The following KHDRBS2 variants were observed in gnomAD, a reference collection of about 807,000 sequenced individuals.
KHDRBS2 encodes the protein KH domain-containing, RNA-binding, signal transduction-associated protein 2.
In KHDRBS2, 26 loss-of-function variants were observed where a neutral mutation model predicts 44.3. That is an observed-to-expected ratio of 0.59 (90% CI 0.43 to 0.81). KHDRBS2 has a LOEUF of 0.81. KHDRBS2 is among the 40% of genes least tolerant of loss of function. KHDRBS2 has a pLI of 0.00. For synonymous variants in KHDRBS2, 194 were observed against 151.1 expected, an observed-to-expected ratio of 1.28 and a Z score of -2.08; for missense variants, 476 against 433.1, an observed-to-expected ratio of 1.10 and a Z score of -0.88.
intron 6 of KHDRBS2, among the ~76,000 whole-genome samples, chr6:61,825,692 A>G (rs1790740798): frequency 6.6e-6 from 1 of 152,068 alleles, no homozygotes; most frequent in African/African-American, 2.4e-5. Context: ...GCACATTATA[A>G]TGGCTAGGAA....
intron 2 of KHDRBS2, among the ~76,000 whole-genome samples, chr6:62,118,762 G>A (rs1463183162): frequency 1.3e-5 from 2 of 152,152 alleles, no homozygotes; most frequent in Non-Finnish European, 2.9e-5. Flanking sequence ...GATGCTTCCT[G>A]TCACTAAAGG....
intron 4 of KHDRBS2, among the ~76,000 whole-genome samples, chr6:61,925,357 A>G (rs1452282532): frequency 6.6e-6 from 1 of 152,224 alleles, no homozygotes; most frequent in Non-Finnish European, 1.5e-5. Flanking sequence ...TTAAGGAATA[A>G]ATAACTAGTC....
intron 3 of KHDRBS2, among the ~76,000 whole-genome samples, chr6:62,036,232 C>T (rs1220184258): frequency 4.6e-5 from 7 of 151,848 alleles, no homozygotes; most frequent in South Asian, 4.2e-4. Context: ...GAAGAGAGGA[C>T]GGATAGCAAC....
chr6:61,932,716 C>A (rs1439913755), intron 4 of KHDRBS2, among the ~76,000 whole-genome samples: 1 of 152,118 alleles, frequency 6.6e-6, no homozygotes, highest in East Asian at 1.9e-4. Flanking sequence ...ATGGCGTGAA[C>A]CGGGAGGCGG....
At chr6:62,264,642 C>T (rs1388091999) in intron 1 of KHDRBS2, among the ~76,000 whole-genome samples, 1 of 151,700 alleles carries the variant, frequency 6.6e-6, no homozygotes, top group Admixed American at 6.6e-5. Context: ...ATTATTGTGA[C>T]ATGCAATAAT....
chr6:61,872,761 C>A (rs1798843175), intron 6 of KHDRBS2, among the ~76,000 whole-genome samples: 2 of 122,832 alleles, frequency 1.6e-5, no homozygotes, highest in Admixed American at 8.9e-5. Flanking sequence ...GAAAAATGAA[C>A]CAAGACATGT....
the KHDRBS2 span, among the ~76,000 whole-genome samples, chr6:61,593,016 G>C: frequency 7.2e-5 from 11 of 152,180 alleles, no homozygotes; most frequent in South Asian, 2.3e-3. Context: ...AATTTCTATA[G>C]AAATAGAAGA....
chr6:61,776,873 T>C (rs544762192), intron 6 of KHDRBS2, among the ~76,000 whole-genome samples: 1 of 151,972 alleles, frequency 6.6e-6, no homozygotes, highest in Non-Finnish European at 1.5e-5. Context: ...CAATAGGAAA[T>C]ACTTGGATCC....
chr6:61,724,494 C>A (rs1325843074), intron 7 of KHDRBS2, among the ~76,000 whole-genome samples: 1 of 151,998 alleles, frequency 6.6e-6, no homozygotes, highest in African/African-American at 2.4e-5. Flanking sequence ...GGACTCATTG[C>A]CCCAATTAAA....
chr6:62,143,366 G>A (rs1232617343), intron 2 of KHDRBS2, among the ~76,000 whole-genome samples: 1 of 151,840 alleles, frequency 6.6e-6, no homozygotes, highest in African/African-American at 2.4e-5. Context: ...TATTATAGTA[G>A]ATAAACTATT....
chr6:61,746,139 T>C (rs1422980440), intron 6 of KHDRBS2, among the ~76,000 whole-genome samples: 3 of 152,100 alleles, frequency 2.0e-5, no homozygotes, highest in Non-Finnish European at 4.4e-5. Context: ...TTGGTGTACA[T>C]GTGCCATGGT....
chr6:61,632,809 T>C, the KHDRBS2 span, among the ~76,000 whole-genome samples: 44 of 152,170 alleles, frequency 2.9e-4, no homozygotes, highest in Admixed American at 5.2e-4. Flanking sequence ...ATCCCACAGA[T>C]CTCAGGTCAC....
chr6:61,700,911 T>C (rs1249697398), intron 7 of KHDRBS2, among the ~76,000 whole-genome samples: 1 of 151,816 alleles, frequency 6.6e-6, no homozygotes, highest in African/African-American at 2.4e-5. Flanking sequence ...AAGAGAAAAA[T>C]ACATTTTAAA....
At chr6:61,926,336 T>A (rs1741329763) in intron 4 of KHDRBS2, among the ~76,000 whole-genome samples, 2 of 152,324 alleles carry the variant, frequency 1.3e-5, no homozygotes, top group South Asian at 2.1e-4. Context: ...GGAAGCTGAC[T>A]GTGAAAGTAA....
intron 6 of KHDRBS2, among the ~76,000 whole-genome samples, chr6:61,798,740 T>G (rs1364595229): frequency 2.6e-5 from 4 of 152,024 alleles, no homozygotes; most frequent in African/African-American, 9.7e-5. Context: ...AAACCACATT[T>G]TTTATGTTTT....
At chr6:61,814,271 T>G (rs1788557732) in intron 6 of KHDRBS2, among the ~76,000 whole-genome samples, 1 of 152,162 alleles carries the variant, frequency 6.6e-6, no homozygotes, top group Non-Finnish European at 1.5e-5. Flanking sequence ...TGACTGAAAT[T>G]AAAATAAATG....
intron 3 of KHDRBS2, among the ~76,000 whole-genome samples, chr6:62,007,932 G>A (rs1350384999): frequency 6.6e-6 from 1 of 152,102 alleles, no homozygotes; most frequent in African/African-American, 2.4e-5. Context: ...ACCTGCAAAA[G>A]TATAGAAAAT....
At chr6:62,019,368 A>G (rs1322628548) in intron 3 of KHDRBS2, among the ~76,000 whole-genome samples, 2 of 152,094 alleles carry the variant, frequency 1.3e-5, no homozygotes, top group Admixed American at 1.3e-4. Flanking sequence ...TCATGAATCA[A>G]TTGAGATTAT....
downstream of KHDRBS2, among the ~76,000 whole-genome samples, chr6:61,678,518 AT>A (rs1299400675): frequency 2.0e-5 from 3 of 151,916 alleles, no homozygotes; most frequent in African/African-American, 7.2e-5. Context: ...CCTTCCCTTT[AT>A]TTTAGCCAAT....
Sources: allele counts gnomAD v4.1 joint callset (sites outside exome capture counted in the v4.1 genomes callset), GRCh38; gene constraint gnomAD v4.1.1; transcripts MANE v1.5; gene names NCBI Gene and HGNC (gene_info 2026-07-23, HGNC 2026-07-21).